ARHGAP31: variants seen among roughly 807,000 people sequenced by gnomAD.
ARHGAP31 encodes rho GTPase-activating protein 31.
In ARHGAP31, 34 loss-of-function variants were observed where a neutral mutation model predicts 113.9. The observed-to-expected ratio is 0.30, with a 90% confidence interval of 0.23 to 0.40. The LOEUF is 0.40. Ranked by LOEUF, ARHGAP31 falls within the 10% of genes least tolerant of loss-of-function variation. The pLI is 1.00. For synonymous variants in ARHGAP31, 650 were observed against 684.8 expected, an observed-to-expected ratio of 0.95 and a Z score of 0.79; for missense variants, 1,548 against 1,767.1, an observed-to-expected ratio of 0.88 and a Z score of 2.22.
chr3:119,408,419 A>G (rs545924542), intron 10 of ARHGAP31, among the ~76,000 whole-genome samples: 1 of 152,364 alleles, frequency 6.6e-6, no homozygotes, highest in Admixed American at 6.5e-5. Context: ...CCTTGCGGTG[A>G]GACACCTCAG....
intron 1 of ARHGAP31, among the ~76,000 whole-genome samples, chr3:119,311,539 T>C (rs1489129059): frequency 6.6e-6 from 1 of 152,230 alleles, no homozygotes; most frequent in South Asian, 2.1e-4. Flanking sequence ...ATTCTAGGAA[T>C]AAGGATGTGG....
At chr3:119,359,174 T>C (rs1466661566) in intron 1 of ARHGAP31, among the ~76,000 whole-genome samples, 1 of 151,928 alleles carries the variant, frequency 6.6e-6, no homozygotes, top group Non-Finnish European at 1.5e-5. Context: ...TGCACCACCA[T>C]GCCCGGCTAG....
At chr3:119,332,604 TTCTC>T (rs34228523) in intron 1 of ARHGAP31, among the ~76,000 whole-genome samples, 1,333 of 105,642 alleles carry the variant, frequency 0.013, 13 homozygotes, top group East Asian at 0.024. Flanking sequence ...CTCTCTCTCT[TTCTC>T]TCTCTCTCTC....
chr3:119,326,276 G>A (rs6438523), intron 1 of ARHGAP31, among the ~76,000 whole-genome samples: 55,877 of 151,964 alleles, frequency 0.37, 10,533 homozygotes, highest in Non-Finnish European at 0.41. Context: ...GGCCTACAGC[G>A]ATGCTCAGAT....
Position 119,416,318 on chromosome 3 carries a change from T to C in ARHGAP31, c.*54T>C. On this transcript the variant is annotated 3_prime_UTR_variant, in exon 12 of 12. Coordinates refer to ENST00000264245, the MANE Select transcript of ARHGAP31 (RefSeq NM_020754.4). ...AAACCGTGATTCATCTGGAAGTTAT[T>C]ACAGGGCCAGCTTGCCATATTCCAG... The C allele has an allele frequency of 6.2e-7, 1 of 1,605,588 alleles. No homozygotes were observed. Among genetic ancestry groups the C allele is most frequent in the Non-Finnish European group, 8.5e-7 (1 of 1,179,806 alleles).
In ARHGAP31 at chr3:119,312,624, AAAC is replaced by A. The variant is rs778978172; in HGVS notation, c.100+17635_100+17637del. Among the ~76,000 whole-genome samples, 28 of 152,338 alleles carry A rather than the reference AAAC, an allele frequency of 1.8e-4. No homozygotes were observed. The East Asian group carries it at 2.7e-3, about 15-fold the overall frequency. On this transcript the variant is annotated intron_variant, in intron 1 of 11. Transcript: ENST00000264245. ...ATAAAATAACAAAAGCAATTGTTAAAAACAACAACAACAACAATGTGATTTATA... is the reference window on the plus strand; with the variant it reads ...ATAAAATAACAAAAGCAATTGTTAAAAACAACAACAACAATGTGATTTATA...
At position 119,373,598 on chromosome 3, in the gene ARHGAP31, G is replaced by A. The variant is rs561076663; in HGVS notation, c.348+5082G>A. ...CCTGCCTCAGCCTCCTGAGTAGCTGGGATTACAGGCACCCGCCACCATGCC... is the reference window on the plus strand; with the variant it reads ...CCTGCCTCAGCCTCCTGAGTAGCTGAGATTACAGGCACCCGCCACCATGCC... On this transcript the variant is annotated intron_variant, in intron 3 of 11. Coordinates refer to ENST00000264245, the MANE Select transcript of ARHGAP31 (RefSeq NM_020754.4). Among the ~76,000 whole-genome samples, 191 of 152,138 alleles carry A rather than the reference G, an allele frequency of 1.3e-3. 1 individual carries two copies. Among genetic ancestry groups the A allele is most frequent in the Non-Finnish European group, 1.4e-3 (93 of 68,006 alleles).
chr3:119,310,583 C>T (rs62265236), intron 1 of ARHGAP31, among the ~76,000 whole-genome samples: 57,179 of 152,024 alleles, frequency 0.38, 10,968 homozygotes, highest in Non-Finnish European at 0.41. Flanking sequence ...TTGTGAACTG[C>T]GCACGAGGGA....
intron 1 of ARHGAP31, among the ~76,000 whole-genome samples, chr3:119,335,771 G>C (rs2079939923): frequency 6.6e-6 from 1 of 152,186 alleles, no homozygotes; most frequent in Admixed American, 6.5e-5. Context: ...AAGAGCAACA[G>C]ACATTTGTAC....
chr3:119,390,355 C>G (rs2080492589), intron 6 of ARHGAP31, among the ~76,000 whole-genome samples: 1 of 152,224 alleles, frequency 6.6e-6, no homozygotes, highest in Non-Finnish European at 1.5e-5. Flanking sequence ...GGAGGAGAGG[C>G]AGCCTCCTGC....
intron 8 of ARHGAP31, among the ~76,000 whole-genome samples, chr3:119,397,358 G>A (rs974570142): frequency 1.3e-5 from 2 of 152,196 alleles, no homozygotes; most frequent in South Asian, 4.1e-4. Context: ...CACAGTCAGG[G>A]GCGCCTGGTC....
intron 1 of ARHGAP31, among the ~76,000 whole-genome samples, chr3:119,354,483 T>C (rs890757489): frequency 3.1e-5 from 4 of 129,468 alleles, no homozygotes; most frequent in Non-Finnish European, 7.2e-5. Flanking sequence ...GGTTTGTGTG[T>C]GTGTGTGTGT....
At chr3:119,382,517 G>C in intron 5 of ARHGAP31, 118 bp downstream of exon 5, 1 of 955,650 alleles carries the variant, frequency 1.0e-6, no homozygotes, top group Non-Finnish European at 1.6e-6. Flanking sequence ...TGGCTTAAGT[G>C]GTCATTTATA....
Position 119,294,497 on chromosome 3 carries a change from TCTCCTCGCC to T in ARHGAP31, c.-406_-398del. The stretch of plus-strand genomic sequence containing the variant: ...GGACCCACCGCAGCCCCCTGGGCAG[TCTCCTCGCC>T]CCGCGTCCGCGTCGTCTCCGGGGCA... On this transcript the variant is annotated 5_prime_UTR_variant, in exon 1 of 12. Coordinates refer to ENST00000264245, the MANE Select transcript of ARHGAP31 (RefSeq NM_020754.4). 2.2e-6 allele frequency: 1 copy of T among 452,546 alleles called. No individual in the cohort carries two copies. The allele number at this position is 452,546 out of a possible 1,614,324, so 28.0% of individuals were successfully genotyped here. A position where few individuals can be genotyped will look rare whatever the true frequency, so the allele number is the denominator to read the frequency against.
chr3:119,311,314 C>T (rs1429602190), intron 1 of ARHGAP31, among the ~76,000 whole-genome samples: 1 of 152,178 alleles, frequency 6.6e-6, no homozygotes, highest in African/African-American at 2.4e-5. Context: ...CTTGCCATTT[C>T]CAGCTTCTAG....
At position 119,294,512 on chromosome 3, in the gene ARHGAP31, T is replaced by G; in HGVS notation, c.-393T>G. 2.2e-6 allele frequency: 1 copy of G among 452,704 alleles called. No individual in the cohort carries two copies. Among genetic ancestry groups the G allele is most frequent in the Non-Finnish European group, 3.8e-6 (1 of 262,920 alleles). 28.0% of individuals were successfully genotyped at this position (452,704 alleles called of 1,614,324 possible). On this transcript the variant is annotated 5_prime_UTR_variant, in exon 1 of 12. Coordinates refer to ENST00000264245, the MANE Select transcript of ARHGAP31 (RefSeq NM_020754.4). ...CCCTGGGCAGTCTCCTCGCCCCGCG[T>G]CCGCGTCGTCTCCGGGGCACTTAGT...
chr3:119,341,399 C>T (rs1215224388), intron 1 of ARHGAP31, among the ~76,000 whole-genome samples: 2 of 152,288 alleles, frequency 1.3e-5, no homozygotes, highest in East Asian at 1.9e-4. Context: ...GTTCTAAGTG[C>T]TTTCCACAGG....
chr3:119,343,185 T>C (rs1017515622), intron 1 of ARHGAP31, among the ~76,000 whole-genome samples: 1 of 152,130 alleles, frequency 6.6e-6, no homozygotes, highest in African/African-American at 2.4e-5. Flanking sequence ...CCAGGGAGTA[T>C]TTATTGAGCT....
chr3:119,365,530 G>A (rs544787108), intron 2 of ARHGAP31, 112 bp downstream of exon 2: 2 of 925,318 alleles, frequency 2.2e-6, no homozygotes, highest in South Asian at 2.8e-5. Flanking sequence ...AGGGAAGTGT[G>A]GCAGCACCGA....
Sources: gnomAD v4.1 joint callset for allele counts (sites outside exome capture counted in the v4.1 genomes callset) on GRCh38, gnomAD v4.1.1 for gene constraint, MANE v1.5 for transcripts, NCBI Gene and HGNC (gene_info 2026-07-23, HGNC 2026-07-21) for gene names.